Variants in ZC3H7B observed in about 807,000 individuals in gnomAD.
ZC3H7B encodes the protein zinc finger CCCH-type containing 7B, also known as zinc finger CCCH domain-containing protein 7B.
ZC3H7B carries 35 observed loss-of-function variants against 116.0 expected under a neutral mutation model. The observed-to-expected ratio is 0.30, with a 90% confidence interval of 0.23 to 0.40. ZC3H7B has a LOEUF of 0.40. Among genes scored for constraint, ZC3H7B ranks in the 10% least tolerant of loss-of-function variants. ZC3H7B has a pLI of 1.00. For synonymous variants in ZC3H7B, 502 were observed against 545.6 expected (o/e 0.92, Z 1.11); for missense variants, 1,011 against 1,321.5 (o/e 0.77, Z 3.64).
At chr22:41,352,470 G>T (rs772799513) in intron 17 of ZC3H7B, among the ~76,000 whole-genome samples, 1 of 152,134 alleles carries the variant, frequency 6.6e-6, no homozygotes, top group Non-Finnish European at 1.5e-5. Context: ...ATTAATAAAG[G>T]TCTTCAGAGG....
In ZC3H7B at chr22:41,327,202, G is replaced by T; in HGVS notation, c.286-4G>T. On this transcript the variant is annotated splice_polypyrimidine_tract_variant and splice_region_variant and intron_variant, in intron 4 of 22. Coordinates refer to ENST00000352645, the MANE Select transcript of ZC3H7B (RefSeq NM_017590.6). This position sits in a 1 kb window ranked among gnomAD's most constrained non-coding sequence, Gnocchi z 4.5. ...ACCAGTGACCACATGCTCCTCTCTG[G>T]CAGGGCCTGTATGAGAAGGCGCTGG... The T allele has an allele frequency of 5.0e-6, 8 of 1,613,616 alleles. 1 individual carries two copies. In the South Asian group the frequency reaches 6.6e-5, roughly 13 times the overall value.
chr22:41,345,877 T>G, intron 13 of ZC3H7B, 126 bp from the exon 14 acceptor site: 5 of 925,518 alleles, frequency 5.4e-6, no homozygotes, highest in Non-Finnish European at 6.9e-6. Flanking sequence ...CCTAGCTGTG[T>G]TGGGGTGGAG....
intron 11 of ZC3H7B, among the ~76,000 whole-genome samples, chr22:41,341,737 C>T (rs1324042447): frequency 2.0e-5 from 3 of 150,994 alleles, no homozygotes; most frequent in Admixed American, 6.6e-5. Flanking sequence ...AGCGAGACTC[C>T]GTCTCAAAAA....
chr22:41,311,787 G>A (rs1601762526), intron 1 of ZC3H7B, among the ~76,000 whole-genome samples: 1 of 152,060 alleles, frequency 6.6e-6, no homozygotes, highest in Admixed American at 6.6e-5. Context: ...TGGAAGCTCG[G>A]GGATGTTGGT....
intron 9 of ZC3H7B, among the ~76,000 whole-genome samples, 198 bp downstream of exon 9, chr22:41,339,389 G>A (rs1172593508): frequency 6.6e-6 from 1 of 152,210 alleles, no homozygotes; most frequent in East Asian, 1.9e-4. Flanking sequence ...TACTTTGGGA[G>A]GCCAAGGCAG....
At position 41,342,901 on chromosome 22, in the gene ZC3H7B, G is replaced by A. The variant is rs565389291; in HGVS notation, c.1297+273G>A. On this transcript the variant is annotated intron_variant, in intron 12 of 22. Coordinates refer to ENST00000352645, the MANE Select transcript of ZC3H7B (RefSeq NM_017590.6). ...GAAAAAGGATGGGTAGGCCGGATGC[G>A]GTGGCTCACACCTGTAATCCCAGCA... Among the ~76,000 whole-genome samples, 23 of 152,310 alleles carry A rather than the reference G, an allele frequency of 1.5e-4. No homozygotes were observed. The South Asian group carries it at 2.7e-3, about 18-fold the overall frequency.
At chr22:41,343,645 A>G (rs1041884926) in intron 13 of ZC3H7B, 69 bp downstream of exon 13, 123 of 1,473,076 alleles carry the variant, frequency 8.3e-5, no homozygotes, top group Non-Finnish European at 1.1e-4. Flanking sequence ...CCGCTGCTCT[A>G]CTCCCCATCA....
chr22:41,338,295 G>A lies in ZC3H7B; in HGVS notation c.583-18G>A, dbSNP rs1400138315. On this transcript the variant is annotated intron_variant, in intron 7 of 22. Transcript: ENST00000352645. The surrounding 1 kb of genome is among the most constrained non-coding windows in gnomAD (Gnocchi z 4.5). ...GGGCCTTCCCAGCCACAGCGCCACTGTGGCCCTCTCCCCACAGGGAACTTC... is the reference window on the plus strand; with the variant it reads ...GGGCCTTCCCAGCCACAGCGCCACTATGGCCCTCTCCCCACAGGGAACTTC... The A allele has an allele frequency of 6.2e-7, 1 of 1,612,864 alleles. No individual in the cohort carries two copies. The highest frequency in any genetic ancestry group is 8.5e-7 in the Non-Finnish European group (1 of 1,179,554).
chr22:41,330,321 A>G lies in ZC3H7B; in HGVS notation c.525+218A>G, dbSNP rs556758969. Among the ~76,000 whole-genome samples the G allele has an allele frequency of 7.9e-5, 12 of 152,344 alleles. No homozygotes were observed. The East Asian group carries it at 2.1e-3, about 27-fold the overall frequency. ...CGCTTCTAGCTCACTTTAGACTCCA[A>G]CTGTTGAAAACCACTCCCTCCCCTG... On this transcript the variant is annotated intron_variant, in intron 6 of 22. Coordinates refer to ENST00000352645, the MANE Select transcript of ZC3H7B (RefSeq NM_017590.6).
intron 1 of ZC3H7B, among the ~76,000 whole-genome samples, chr22:41,305,764 C>T (rs983150716): frequency 3.3e-5 from 5 of 152,130 alleles, no homozygotes; most frequent in Admixed American, 1.3e-4. Flanking sequence ...GGTGCCGGCC[C>T]AGCACCCTGG....
rs763836175 is a variant in ZC3H7B, at chr22:41,343,585, G to T, written c.1459+9G>T. ...CTACTACCTGTGCAAAGGTGGGTGG[G>T]CTGCAGCGGGGCAGGCAGCACAGCT... On this transcript the variant is annotated intron_variant, in intron 13 of 22. Transcript: ENST00000352645. 2 of 1,587,484 alleles carry T rather than the reference G, an allele frequency of 1.3e-6. No individual in the cohort carries two copies.
At chr22:41,326,899 A>G (rs2036326296) in intron 4 of ZC3H7B, among the ~76,000 whole-genome samples, 2 of 152,234 alleles carry the variant, frequency 1.3e-5, no homozygotes, top group African/African-American at 4.8e-5. Flanking sequence ...CCAAAGGCAG[A>G]GATGGAAATA....
chr22:41,357,112 C>G lies in ZC3H7B; in HGVS notation c.2682-65C>G. ...CTTCGGGGAGGTCAAGCGGCCGGCC[C>G]CAGATGGACAGCCTGGGGTGGGAAG... On this transcript the variant is annotated intron_variant, in intron 22 of 22. Coordinates refer to ENST00000352645, the MANE Select transcript of ZC3H7B (RefSeq NM_017590.6). The surrounding 1 kb of genome is among the most constrained non-coding windows in gnomAD (Gnocchi z 5.4). The G allele has an allele frequency of 6.3e-7, 1 of 1,585,428 alleles. No individual in the cohort carries two copies.
At chr22:41,319,245 C>CA (rs1284155908) in intron 1 of ZC3H7B, among the ~76,000 whole-genome samples, 1 of 151,882 alleles carries the variant, frequency 6.6e-6, no homozygotes, top group Non-Finnish European at 1.5e-5. Context: ...ACTAAAAATA[C>CA]AAAAAATTAG....
intron 5 of ZC3H7B, among the ~76,000 whole-genome samples, chr22:41,328,338 G>A (rs1569235523): frequency 6.6e-6 from 1 of 152,202 alleles, no homozygotes; most frequent in Non-Finnish European, 1.5e-5. Context: ...AGGGCTCCTG[G>A]CTCTGCTTTA....
intron 1 of ZC3H7B, among the ~76,000 whole-genome samples, chr22:41,318,780 T>C (rs992470523): frequency 6.6e-6 from 1 of 152,114 alleles, no homozygotes; most frequent in African/African-American, 2.4e-5. Context: ...CTAATCTCTC[T>C]GACCTTCCTA....
At chr22:41,328,172 C>T (rs1454425920) in intron 5 of ZC3H7B, among the ~76,000 whole-genome samples, 1 of 151,884 alleles carries the variant, frequency 6.6e-6, no homozygotes, top group Non-Finnish European at 1.5e-5. Context: ...GGTCCCCTGA[C>T]CCATATAGCA....
At position 41,338,073 on chromosome 22, in the gene ZC3H7B, G is replaced by A. The variant is rs573784979; in HGVS notation, c.583-240G>A. On this transcript the variant is annotated intron_variant, in intron 7 of 22. Coordinates refer to ENST00000352645, the MANE Select transcript of ZC3H7B (RefSeq NM_017590.6). This position sits in a 1 kb window ranked among gnomAD's most constrained non-coding sequence, Gnocchi z 4.5. ...AGTAGAGATGAGGTTTCACCATGTT[G>A]GCCATGCTGGTCTTGAATTTCTGAC... Among the ~76,000 whole-genome samples the A allele has an allele frequency of 6.6e-6, 1 of 152,208 alleles. No individual in the cohort carries two copies. Among genetic ancestry groups the A allele is most frequent in the African/African-American group, 2.4e-5 (1 of 41,536 alleles).
At chr22:41,344,237 C>T (rs569921666) in intron 13 of ZC3H7B, among the ~76,000 whole-genome samples, 3 of 152,336 alleles carry the variant, frequency 2.0e-5, no homozygotes, top group South Asian at 2.1e-4. Flanking sequence ...AGTGCACCCA[C>T]GGCTCTGCCT....
Sources: allele counts gnomAD v4.1 joint callset (sites outside exome capture counted in the v4.1 genomes callset), GRCh38; gene constraint gnomAD v4.1.1; non-coding constraint Gnocchi (gnomAD v3.1); transcripts MANE v1.5; gene names NCBI Gene and HGNC (gene_info 2026-07-23, HGNC 2026-07-21).